LRRC37A2: variants seen among roughly 807,000 people sequenced by gnomAD.
LRRC37A2 encodes leucine rich repeat containing 37 member A2, also known as leucine-rich repeat-containing protein 37A2.
LRRC37A2 carries 9 observed loss-of-function variants against 68.8 expected under a neutral mutation model. The ratio of observed to expected loss-of-function variants is 0.13; its 90% CI spans 0.08 to 0.23. The LOEUF (loss-of-function observed/expected upper bound fraction) is 0.23. LRRC37A2 is among the 10% of genes least tolerant of loss of function. The pLI, the probability that LRRC37A2 is intolerant of heterozygous loss-of-function variation, is 1.00. For missense variants in LRRC37A2, 168 were observed against 950.4 expected (o/e 0.18, Z 10.82); for synonymous variants, 63 against 367.6 (o/e 0.17, Z 9.48).
chr17:46,549,116 A>G, exon 10 of LRRC37A2: 1 of 1,611,766 alleles, frequency 6.2e-7, no homozygotes, highest in African/African-American at 1.4e-5. Context: ...AAGAGTCCAA[A>G]GGTCAGAAAG....
chr17:46,851,296 C>T, the LRRC37A2 span, among the ~76,000 whole-genome samples: 2 of 152,000 alleles, frequency 1.3e-5, no homozygotes, highest in African/African-American at 2.4e-5. The surrounding 1 kb of genome is among the most constrained non-coding windows in gnomAD (Gnocchi z 4.3). Context: ...GTACCCTCCT[C>T]CCCGCCTCTC....
At chr17:46,501,802 G>T in the LRRC37A2 span, among the ~76,000 whole-genome samples, 1 of 151,080 alleles carries the variant, frequency 6.6e-6, no homozygotes, top group African/African-American at 2.5e-5. Context: ...TGCTAATCTT[G>T]TTGCCTATTG....
intron 8 of LRRC37A2, among the ~76,000 whole-genome samples, chr17:46,543,819 G>C (rs946428827): frequency 1.3e-5 from 2 of 150,724 alleles, no homozygotes; most frequent in African/African-American, 5.0e-5. Context: ...TAAAAACTTG[G>C]GGGCAGAAAA....
At chr17:46,708,803 T>TA in the LRRC37A2 span, among the ~76,000 whole-genome samples, 2 of 70,198 alleles carry the variant, frequency 2.8e-5, no homozygotes, top group East Asian at 1.4e-3. Context: ...CACCATTTAT[T>TA]TTATATATAT....
chr17:46,872,718 C>T, the LRRC37A2 span: 1 of 1,613,060 alleles, frequency 6.2e-7, no homozygotes, highest in African/African-American at 1.3e-5. Flanking sequence ...AGTTTCAGTT[C>T]CGGCATGAGC....
chr17:46,999,862 G>A, the LRRC37A2 span, among the ~76,000 whole-genome samples: 1 of 150,528 alleles, frequency 6.6e-6, no homozygotes, highest in Non-Finnish European at 1.5e-5. Flanking sequence ...AGCCGGGTGT[G>A]GTGGCGTGTG....
the LRRC37A2 span, among the ~76,000 whole-genome samples, chr17:46,780,538 C>T: frequency 1.3e-5 from 2 of 152,212 alleles, no homozygotes; most frequent in East Asian, 3.9e-4. Context: ...CTTGTAATCC[C>T]AGCACTTTGG....
At chr17:46,726,507 G>A in the LRRC37A2 span, 3 of 1,571,996 alleles carry the variant, frequency 1.9e-6, no homozygotes, top group Non-Finnish European at 2.6e-6. Context: ...TGTCGTAACT[G>A]TGGAGGACAG....
the LRRC37A2 span, chr17:47,021,639 G>A: frequency 8.1e-5 from 49 of 607,202 alleles, no homozygotes; most frequent in Non-Finnish European, 1.3e-4. Flanking sequence ...AAGAAGTTAA[G>A]CTTCCAGGAG....
At chr17:46,911,023 G>A in the LRRC37A2 span, among the ~76,000 whole-genome samples, 1 of 152,246 alleles carries the variant, frequency 6.6e-6, no homozygotes, top group Non-Finnish European at 1.5e-5. Context: ...AAGGCAGGAT[G>A]CTTGGAGAGG....
At chr17:46,992,682 G>A in the LRRC37A2 span, among the ~76,000 whole-genome samples, 2 of 151,796 alleles carry the variant, frequency 1.3e-5, no homozygotes, top group Non-Finnish European at 2.9e-5. Flanking sequence ...GTAAAACCCC[G>A]TTTATACTAA....
At chr17:47,026,530 G>A in the LRRC37A2 span, among the ~76,000 whole-genome samples, 2 of 152,158 alleles carry the variant, frequency 1.3e-5, no homozygotes, top group Non-Finnish European at 2.9e-5. Context: ...GGAGATGCTG[G>A]TCTTTGCAAG....
At chr17:47,004,110 C>T in the LRRC37A2 span, among the ~76,000 whole-genome samples, 2 of 152,172 alleles carry the variant, frequency 1.3e-5, no homozygotes, top group Admixed American at 6.5e-5. Context: ...TTTCTTAATC[C>T]AGTCTATCAT....
chr17:46,923,537 A>C, the LRRC37A2 span: 4 of 1,328,080 alleles, frequency 3.0e-6, no homozygotes, highest in East Asian at 2.8e-5. Context: ...GCACTTGTCA[A>C]CTCGGTGCTC....
chr17:46,924,789 TGAAAC>T, the LRRC37A2 span, among the ~76,000 whole-genome samples: 1 of 152,204 alleles, frequency 6.6e-6, no homozygotes, highest in Non-Finnish European at 1.5e-5. Flanking sequence ...AGAGAAAGAA[TGAAAC>T]GAAATTATGT....
the LRRC37A2 span, among the ~76,000 whole-genome samples, chr17:46,828,647 A>C: frequency 2.0e-5 from 3 of 152,046 alleles, no homozygotes; most frequent in Admixed American, 2.0e-4. Context: ...GGTGAGGTTT[A>C]AGATGCATCC....
chr17:46,945,320 A>C, the LRRC37A2 span, among the ~76,000 whole-genome samples: 8 of 152,244 alleles, frequency 5.3e-5, no homozygotes, highest in South Asian at 1.0e-3. Context: ...CTGAGATGCT[A>C]CTGAGAGCTG....
chr17:46,929,908 A>G, the LRRC37A2 span: 3 of 263,590 alleles, frequency 1.1e-5, no homozygotes, highest in Admixed American at 4.8e-5. Flanking sequence ...GAGATGTTTA[A>G]CTGGAATTGG....
the LRRC37A2 span, among the ~76,000 whole-genome samples, chr17:46,803,427 G>A: frequency 6.6e-6 from 1 of 152,118 alleles, no homozygotes; most frequent in Non-Finnish European, 1.5e-5. Context: ...CCAGCTACTC[G>A]CAAGGCTCAG....
Sources: allele counts gnomAD v4.1 joint callset (sites outside exome capture counted in the v4.1 genomes callset), GRCh38; gene constraint gnomAD v4.1.1; non-coding constraint Gnocchi (gnomAD v3.1); transcripts MANE v1.5; gene names NCBI Gene and HGNC (gene_info 2026-07-23, HGNC 2026-07-21).